SAMD8: variants seen among roughly 807,000 people sequenced by gnomAD.
SAMD8 encodes sterile alpha motif domain containing 8.
A neutral mutation model predicts 42.0 loss-of-function variants in SAMD8; 20 were observed. The ratio of observed to expected loss-of-function variants is 0.48; its 90% CI spans 0.34 to 0.69. The LOEUF (loss-of-function observed/expected upper bound fraction) is 0.69. Among genes scored for constraint, SAMD8 ranks in the 30% least tolerant of loss-of-function variants. The probability of loss-of-function intolerance (pLI) is 0.01; values close to 1 mark genes in which losing one functional copy is unlikely to be tolerated. For synonymous variants in SAMD8, 162 were observed against 173.0 expected (o/e 0.94, Z 0.50); for missense variants, 328 against 511.6 (o/e 0.64, Z 3.46).
upstream of SAMD8, chr10:75,111,337 G>A: frequency 2.4e-6 from 1 of 410,930 alleles, no homozygotes; most frequent in Admixed American, 4.6e-5. Context: ...CTGTCGCTTT[G>A]GCCTCCGGCA....
At chr10:75,131,243 C>T (rs1367250427) in intron 1 of SAMD8, among the ~76,000 whole-genome samples, 4 of 152,200 alleles carry the variant, frequency 2.6e-5, no homozygotes, top group Non-Finnish European at 5.9e-5. Flanking sequence ...CACTATGTGA[C>T]CATCCATTCT....
intron 1 of SAMD8, among the ~76,000 whole-genome samples, chr10:75,148,887 T>C (rs1009568430): frequency 1.8e-4 from 27 of 152,210 alleles, no homozygotes; most frequent in African/African-American, 6.3e-4. Context: ...CTAACATATA[T>C]AGAGAAAAGT....
intron 2 of SAMD8, among the ~76,000 whole-genome samples, chr10:75,162,627 G>A (rs1327475603): frequency 7.4e-6 from 1 of 135,018 alleles, no homozygotes; most frequent in African/African-American, 2.8e-5. Context: ...CCAGCCTGGG[G>A]AACACGAGTG....
At chr10:75,111,579 C>G, upstream of SAMD8, 1 of 1,252,814 alleles carries the variant, frequency 8.0e-7, no homozygotes, top group Non-Finnish European at 1.0e-6. Context: ...CCGCCCCCGC[C>G]TCCACTCCGG....
Position 75,168,393 on chromosome 10 carries a change from T to C in SAMD8, c.675-148T>C, listed in dbSNP as rs117898484. Reference sequence around the variant, plus strand: ...TGCAGAGAATTCTGTTGGACAACGATGCTTTTGATGGTCTTTAAGATTTCT... The same window carrying C: ...TGCAGAGAATTCTGTTGGACAACGACGCTTTTGATGGTCTTTAAGATTTCT... On this transcript the variant is annotated intron_variant, in intron 3 of 5. Transcript: ENST00000542569. 3.8e-3 allele frequency: 5,628 copies of C among 1,470,348 alleles called. 11 individuals are homozygous for C. Among genetic ancestry groups the C allele is most frequent in the Non-Finnish European group, 4.8e-3 (5,311 of 1,111,116 alleles). The allele number at this position is 1,470,348 out of a possible 1,614,324, so 91.1% of individuals were successfully genotyped here. A position where few individuals can be genotyped will look rare whatever the true frequency, so the allele number is the denominator to read the frequency against.
upstream of SAMD8, chr10:75,108,120 C>T (rs780281667): frequency 6.2e-7 from 1 of 1,613,742 alleles, no homozygotes; most frequent in South Asian, 1.1e-5. Context: ...GAAGTCAGGG[C>T]CGCCCTGACA....
upstream of SAMD8, among the ~76,000 whole-genome samples, chr10:75,108,755 T>C (rs1848671459): frequency 6.6e-6 from 1 of 152,160 alleles, no homozygotes; most frequent in African/African-American, 2.4e-5. Flanking sequence ...TTGACAGTTG[T>C]CCTGGAAATG....
chr10:75,158,031 T>C (rs550848461), intron 2 of SAMD8, among the ~76,000 whole-genome samples: 16 of 151,740 alleles, frequency 1.1e-4, no homozygotes, highest in Non-Finnish European at 2.1e-4. Flanking sequence ...TGGTGGTGCA[T>C]GCCTGTAATC....
upstream of SAMD8, chr10:75,109,156 A>C: frequency 6.3e-7 from 1 of 1,582,536 alleles, no homozygotes; most frequent in Non-Finnish European, 8.6e-7. Flanking sequence ...GGTCTCAGCC[A>C]TGGGCCAGCC....
At chr10:75,168,404 GTCTTTAAGATT>G in intron 3 of SAMD8, 126 bp from the exon 4 acceptor site, 1 of 1,486,254 alleles carries the variant, frequency 6.7e-7, no homozygotes, top group Non-Finnish European at 8.9e-7. Context: ...GCTTTTGATG[GTCTTTAAGATT>G]TCTGTCCTCT....
intron 1 of SAMD8, among the ~76,000 whole-genome samples, chr10:75,133,459 A>C (rs995956218): frequency 6.6e-6 from 1 of 152,234 alleles, no homozygotes; most frequent in Admixed American, 6.5e-5. Context: ...TATTGGATAT[A>C]TGTCCAAAGG....
At chr10:75,129,568 A>G (rs572521371) in intron 1 of SAMD8, among the ~76,000 whole-genome samples, 90 of 152,300 alleles carry the variant, frequency 5.9e-4, no homozygotes, top group South Asian at 1.2e-3. Flanking sequence ...ATGATTAGCT[A>G]GTTTCATTTG....
chr10:75,141,056 A>G (rs149072918), intron 1 of SAMD8, among the ~76,000 whole-genome samples: 2,567 of 152,348 alleles, frequency 0.017, 63 homozygotes, highest in Admixed American at 0.07. Flanking sequence ...TGGAAATACA[A>G]TTGATGGCTG....
chr10:75,105,080 C>G (rs923703395), intron 1 of SAMD8, among the ~76,000 whole-genome samples: 1 of 152,166 alleles, frequency 6.6e-6, no homozygotes, highest in Non-Finnish European at 1.5e-5. Context: ...GTAGAGGAAG[C>G]AGAGGTGGAG....
At chr10:75,120,205 A>G (rs753795533) in intron 1 of SAMD8, among the ~76,000 whole-genome samples, 6 of 152,234 alleles carry the variant, frequency 3.9e-5, no homozygotes, top group African/African-American at 1.4e-4. Flanking sequence ...CCAATTCCCA[A>G]ACTGTACAGA....
chr10:75,118,441 C>T (rs1034450851), intron 1 of SAMD8, among the ~76,000 whole-genome samples: 4 of 152,154 alleles, frequency 2.6e-5, no homozygotes, highest in Non-Finnish European at 5.9e-5. Flanking sequence ...GATCAGAGTT[C>T]GAGACCAGCC....
At chr10:75,100,120 C>T (rs1382386237) in intron 1 of SAMD8, among the ~76,000 whole-genome samples, 3 of 152,102 alleles carry the variant, frequency 2.0e-5, no homozygotes, top group Non-Finnish European at 2.9e-5. Flanking sequence ...GAGGCTGCCC[C>T]CTGGTGGCCA....
chr10:75,150,935 G>A lies in SAMD8; in HGVS notation c.407G>A (p.Gly136Asp), dbSNP rs757877142. 6.2e-7 allele frequency: 1 copy of A among 1,612,880 alleles called. No individual in the cohort carries two copies. ...LNSDQYQYMN[G>D]KNKHSVRRLD... ...TCTGATCAGTACCAGTACATGAATG[G>A]TAAAAACAAACATTCTGTTCGAAGA... Residue 136 changes from glycine (G) to aspartate (D), a missense_variant, in exon 2 of 6, where the codon GGT becomes GAT. Physicochemically the swap from Gly to Asp is moderately conservative, Grantham distance 94. Coordinates refer to ENST00000542569, the MANE Select transcript of SAMD8 (RefSeq NM_001174156.2).
rs1392081687 is a variant in SAMD8 at position 75,176,770 on chromosome 10, G to A, written c.*78G>A. Reference sequence around the variant, plus strand: ...GAGTAACTTTGCGTTCTCCCCCTAGGTTGTTCTTAGATGCCTGGCTTATGT... The same window carrying A: ...GAGTAACTTTGCGTTCTCCCCCTAGATTGTTCTTAGATGCCTGGCTTATGT... On this transcript the variant is annotated 3_prime_UTR_variant, in exon 6 of 6. Coordinates refer to ENST00000542569, the MANE Select transcript of SAMD8 (RefSeq NM_001174156.2). The surrounding 1 kb of genome is among the most constrained non-coding windows in gnomAD (Gnocchi z 4.3). The A allele has an allele frequency of 9.2e-7, 1 of 1,090,886 alleles. No homozygotes were observed. The highest frequency in any genetic ancestry group is 1.3e-6 in the Non-Finnish European group (1 of 777,076). 67.6% of individuals were successfully genotyped at this position (1,090,886 alleles called of 1,614,324 possible).
Sources: allele counts gnomAD v4.1 joint callset (sites outside exome capture counted in the v4.1 genomes callset), GRCh38; gene constraint gnomAD v4.1.1; non-coding constraint Gnocchi (gnomAD v3.1); transcripts MANE v1.5; gene names NCBI Gene and HGNC (gene_info 2026-07-23, HGNC 2026-07-21).